PRKD3: variants seen among roughly 807,000 people sequenced by gnomAD.
PRKD3 encodes the protein protein kinase D3, also known as serine/threonine-protein kinase D3.
PRKD3 carries 47 observed loss-of-function variants against 99.2 expected under a neutral mutation model. The ratio of observed to expected loss-of-function variants is 0.47; its 90% confidence interval spans 0.38 to 0.60. PRKD3 has a LOEUF of 0.60. Ranked by LOEUF, PRKD3 falls within the 20% of genes least tolerant of loss-of-function variation. The pLI, the probability that PRKD3 is intolerant of heterozygous loss-of-function variation, is 0.00. For synonymous variants in PRKD3, 392 were observed against 355.4 expected (o/e 1.10, Z -1.16); for missense variants, 1,019 against 1,088.4 (o/e 0.94, Z 0.90).
intron 8 of PRKD3, among the ~76,000 whole-genome samples, 171 bp downstream of exon 8, chr2:37,279,575 G>A (rs1346663132): frequency 6.6e-6 from 1 of 151,744 alleles, no homozygotes; most frequent in Non-Finnish European, 1.5e-5. Context: ...GATGGCAAGG[G>A]TGATATAATT....
chr2:37,276,474 C>CT (rs1669575868), intron 9 of PRKD3, among the ~76,000 whole-genome samples: 1 of 151,864 alleles, frequency 6.6e-6, no homozygotes, highest in Non-Finnish European at 1.5e-5. Flanking sequence ...CTGTGAAACT[C>CT]TCTGTTCATA....
chr2:37,255,018 G>A (rs1667819441), intron 17 of PRKD3, among the ~76,000 whole-genome samples: 1 of 152,088 alleles, frequency 6.6e-6, no homozygotes. Flanking sequence ...GTAACAAAAG[G>A]CTAGACCCAG....
chr2:37,322,919 T>A (rs954882686), intron 1 of PRKD3, among the ~76,000 whole-genome samples: 2 of 152,150 alleles, frequency 1.3e-5, no homozygotes, highest in African/African-American at 4.8e-5. Flanking sequence ...TACAAGCAGT[T>A]TCTTTTAAAA....
At chr2:37,309,410 A>G (rs190233768) in intron 2 of PRKD3, among the ~76,000 whole-genome samples, 15 of 152,318 alleles carry the variant, frequency 9.8e-5, no homozygotes, top group South Asian at 2.1e-4. Flanking sequence ...GAATATCTCA[A>G]ATAACAGCCT....
chr2:37,269,508 AAAG>A (rs777999835), intron 13 of PRKD3, 104 bp downstream of exon 13: 1 of 929,066 alleles, frequency 1.1e-6, no homozygotes, highest in South Asian at 1.4e-5. Flanking sequence ...CCTTTAAAAA[AAAG>A]GCACTGGACA....
intron 2 of PRKD3, among the ~76,000 whole-genome samples, chr2:37,304,196 T>TAAAA (rs70949750): frequency 9.2e-4 from 86 of 93,788 alleles, no homozygotes; most frequent in South Asian, 1.3e-3. Flanking sequence ...AGGTACTTAC[T>TAAAA]AAAAAAAAAA....
intron 12 of PRKD3, among the ~76,000 whole-genome samples, chr2:37,271,063 C>G (rs1669227572): frequency 6.6e-6 from 1 of 152,000 alleles, no homozygotes; most frequent in Non-Finnish European, 1.5e-5. Context: ...TGTTCTATCT[C>G]CAATAACACT....
intron 2 of PRKD3, among the ~76,000 whole-genome samples, chr2:37,301,625 G>C (rs543658220): frequency 6.6e-6 from 1 of 152,182 alleles, no homozygotes; most frequent in Non-Finnish European, 1.5e-5. Flanking sequence ...ACTCTGCTAT[G>C]CTCACAGAGT....
At chr2:37,319,647 C>T (rs1244839549) in intron 1 of PRKD3, among the ~76,000 whole-genome samples, 3 of 151,892 alleles carry the variant, frequency 2.0e-5, no homozygotes, top group East Asian at 1.9e-4. Context: ...AAGCTAATGC[C>T]CTAGGTCACT....
intron 1 of PRKD3, among the ~76,000 whole-genome samples, chr2:37,319,372 A>T (rs1415714545): frequency 6.6e-6 from 1 of 152,208 alleles, no homozygotes; most frequent in African/African-American, 2.4e-5. Flanking sequence ...CCTCAGCCTT[A>T]TATCATTTTT....
chr2:37,274,501 T>A lies in PRKD3; in HGVS notation c.1571A>T (p.Glu524Val). The A allele has an allele frequency of 1.2e-6, 2 of 1,614,160 alleles. No homozygotes were observed. Among genetic ancestry groups the A allele is most frequent in the South Asian group, 2.2e-5 (2 of 91,086 alleles). ...CATGAGGGCTTGGCGAATTGCTTTT[T>A]CCCAGCTCTGTGCTACATCAAGTCC... Reference protein sequence around the residue: ...GVGLDVAQSWEKAIRQALMPV... With the variant: ...GVGLDVAQSWVKAIRQALMPV... The change falls in exon 11 of 19, where the codon GAA becomes GTA. Residue 524 changes from glutamate to valine, a missense_variant. Coordinates refer to ENST00000234179, the MANE Select transcript of PRKD3 (RefSeq NM_005813.6).
intron 2 of PRKD3, among the ~76,000 whole-genome samples, chr2:37,306,982 G>C (rs1228862680): frequency 6.6e-6 from 1 of 152,124 alleles, no homozygotes; most frequent in East Asian, 1.9e-4. Flanking sequence ...CTTCAGAAAT[G>C]CTATTACTCC....
intron 2 of PRKD3, among the ~76,000 whole-genome samples, chr2:37,313,275 G>A (rs1414408403): frequency 6.6e-6 from 1 of 152,012 alleles, no homozygotes. Flanking sequence ...ATTGACAACA[G>A]GTGGTGGGCC....
At chr2:37,259,535 T>G in intron 16 of PRKD3, 48 bp downstream of exon 16, 1 of 1,440,908 alleles carries the variant, frequency 6.9e-7, no homozygotes, top group Non-Finnish European at 9.7e-7. Context: ...TGTGGGTGCT[T>G]TGAAAATGTT....
chr2:37,290,706 T>G lies in PRKD3; in HGVS notation c.559+162A>C, dbSNP rs533273531. On this transcript the variant is annotated intron_variant, in intron 4 of 18. Coordinates refer to ENST00000234179, the MANE Select transcript of PRKD3 (RefSeq NM_005813.6). Reference sequence around the variant, plus strand: ...AGGTTTAGTAATTTGCCCAAGAATATGAAGTAGGTGGCAGAGATAAAATGA... The same window carrying G: ...AGGTTTAGTAATTTGCCCAAGAATAGGAAGTAGGTGGCAGAGATAAAATGA... Among the ~76,000 whole-genome samples, 21 of 152,290 alleles carry G rather than the reference T, an allele frequency of 1.4e-4. No homozygotes were observed. The South Asian group carries it at 4.4e-3, about 32-fold the overall frequency.
chr2:37,300,966 A>G (rs1485208419), intron 2 of PRKD3, among the ~76,000 whole-genome samples: 1 of 152,204 alleles, frequency 6.6e-6, no homozygotes, highest in African/African-American at 2.4e-5. Flanking sequence ...GTGTATTATC[A>G]AACTTGTTGA....
chr2:37,301,708 G>A (rs1670939258), intron 2 of PRKD3, among the ~76,000 whole-genome samples: 1 of 152,180 alleles, frequency 6.6e-6, no homozygotes, highest in African/African-American at 2.4e-5. Context: ...TTCTTGCCCA[G>A]TAAAATGGTG....
intron 2 of PRKD3, among the ~76,000 whole-genome samples, chr2:37,299,148 AT>A (rs1247964610): frequency 2.6e-5 from 4 of 151,998 alleles, no homozygotes; most frequent in Non-Finnish European, 5.9e-5. Flanking sequence ...ATTGTGTTGA[AT>A]TTTACTGAAT....
intron 16 of PRKD3, among the ~76,000 whole-genome samples, chr2:37,257,304 CTGAATCCTTAGTG>C (rs1390440305): frequency 6.6e-6 from 1 of 152,124 alleles, no homozygotes; most frequent in East Asian, 1.9e-4. Flanking sequence ...TGTTTCATTT[CTGAATCCTTAGTG>C]GCCTCACAGT....
Sources: allele counts gnomAD v4.1 joint callset (sites outside exome capture counted in the v4.1 genomes callset), GRCh38; gene constraint gnomAD v4.1.1; transcripts MANE v1.5; gene names NCBI Gene and HGNC (gene_info 2026-07-23, HGNC 2026-07-21).